RIN2: variants seen among roughly 807,000 people sequenced by gnomAD.
RIN2 encodes the protein Ras and Rab interactor 2, also known as RAB5 interacting protein 2.
Under a neutral mutation model 78.0 loss-of-function variants are expected in RIN2, and 36 were observed. The ratio of observed to expected loss-of-function variants is 0.46; its 90% confidence interval spans 0.35 to 0.61. RIN2 has a LOEUF of 0.61. Among genes scored for constraint, RIN2 ranks in the 20% least tolerant of loss-of-function variants. The pLI is 0.00. For synonymous variants in RIN2, 466 were observed against 466.8 expected (o/e 1.00, Z 0.02); for missense variants, 1,087 against 1,159.7 (o/e 0.94, Z 0.91).
chr20:19,974,939 G>T lies in RIN2; in HGVS notation c.914G>T (p.Arg305Leu). The T allele has an allele frequency of 6.2e-7, 1 of 1,613,430 alleles. No individual in the cohort carries two copies. Among genetic ancestry groups the T allele is most frequent in the African/African-American group, 1.3e-5 (1 of 74,976 alleles). The change falls in exon 9 of 13, where the codon CGG (arginine) becomes CTG (leucine). Residue 305 changes from arginine (R) to leucine (L), a missense_variant. This residue lies in a region of RIN2 where 706 missense variants were observed against 667.5 expected (regional missense o/e 1.06). Coordinates refer to ENST00000255006, the MANE Select transcript of RIN2 (RefSeq NM_018993.4). ...TPNANGTERTRSPPPRPPPPA... is the reference protein window; with the variant it reads ...TPNANGTERTLSPPPRPPPPA... Reference sequence around the variant, plus strand: ...AACGCGAATGGCACGGAGCGGACTCGGTCCCCCCCACCCAGGCCCCCGCCA... The same window carrying T: ...AACGCGAATGGCACGGAGCGGACTCTGTCCCCCCCACCCAGGCCCCCGCCA...
chr20:19,809,060 A>G (rs1395725565), intron 2 of RIN2: 4 of 152,328 alleles, frequency 2.6e-5, no homozygotes, highest in Non-Finnish European at 5.9e-5. Context: ...TCTGAATGAA[A>G]TAAGCAGGTC....
intron 9 of RIN2, among the ~76,000 whole-genome samples, chr20:19,982,570 C>T (rs547617132): frequency 2.6e-5 from 4 of 152,318 alleles, no homozygotes; most frequent in African/African-American, 9.6e-5. Context: ...GTTTGAAGCC[C>T]TGACTCTGCT....
chr20:19,794,929 A>C (rs1364428709), intron 1 of RIN2, among the ~76,000 whole-genome samples: 1 of 152,254 alleles, frequency 6.6e-6, no homozygotes. Flanking sequence ...AAGACAATTT[A>C]GAATCCTTAA....
At chr20:19,835,097 GAAGA>G (rs71998271) in intron 2 of RIN2, among the ~76,000 whole-genome samples, 91,523 of 144,716 alleles carry the variant, frequency 0.63, 29,200 homozygotes, top group East Asian at 0.82. Context: ...GAAAAAGAAA[GAAGA>G]AAGAAAGAAA....
Position 20,000,735 on chromosome 20 carries a change from G to C in RIN2, c.2487G>C (p.Gly829=). 1 of 1,613,940 alleles carries C rather than the reference G, an allele frequency of 6.2e-7. No individual in the cohort carries two copies. ...CQICAEKFKV[G]DPEEYSLFLF... is the part of the protein sequence containing the mutation. ...TCTGCGCTGAGAAGTTCAAGGTGGG[G>C]GACCCTGAGGAGTACAGCCTCTTTC... is the stretch of plus-strand genomic sequence containing the variant. Residue 829 remains glycine (G), a synonymous_variant, in exon 13 of 13, where the codon GGG becomes GGC. Coordinates refer to ENST00000255006, the MANE Select transcript of RIN2 (RefSeq NM_018993.4).
At chr20:19,770,757 C>A (rs939631386) in intron 1 of RIN2, among the ~76,000 whole-genome samples, 14 of 152,144 alleles carry the variant, frequency 9.2e-5, no homozygotes, top group Middle Eastern at 3.2e-3. Context: ...AACACAGAAG[C>A]CTTCTGTGAC....
chr20:19,971,268 G>A (rs917835872), intron 8 of RIN2, among the ~76,000 whole-genome samples: 5 of 151,862 alleles, frequency 3.3e-5, no homozygotes, highest in African/African-American at 1.2e-4. Context: ...CTAGAGTAAC[G>A]TCTGTTCCAC....
intron 2 of RIN2, chr20:19,886,593 C>G: frequency 2.5e-6 from 2 of 786,386 alleles, no homozygotes; most frequent in Non-Finnish European, 4.1e-6. Flanking sequence ...ATGAGGGCTG[C>G]CTTCTTCTTC....
At chr20:19,861,842 T>C (rs1450760471) in intron 2 of RIN2, among the ~76,000 whole-genome samples, 1 of 146,668 alleles carries the variant, frequency 6.8e-6, no homozygotes, top group African/African-American at 2.6e-5. Context: ...TTCTCCATAT[T>C]CAATGATCAC....
chr20:19,842,076 T>C (rs1182421406), intron 2 of RIN2, among the ~76,000 whole-genome samples: 1 of 152,234 alleles, frequency 6.6e-6, no homozygotes, highest in Non-Finnish European at 1.5e-5. Flanking sequence ...CAACCTTAAG[T>C]TGAAGCCAAT....
chr20:19,910,773 G>A (rs1254606574), intron 3 of RIN2, among the ~76,000 whole-genome samples: 2 of 151,502 alleles, frequency 1.3e-5, no homozygotes, highest in Non-Finnish European at 2.9e-5. Context: ...TCTCCATGTT[G>A]GCCAGGCTGG....
intron 3 of RIN2, among the ~76,000 whole-genome samples, chr20:19,898,357 A>C (rs2038831733): frequency 6.6e-6 from 1 of 152,184 alleles, no homozygotes; most frequent in African/African-American, 2.4e-5. Context: ...TCTAAGTTTC[A>C]TATTAGAAGG....
intron 3 of RIN2, among the ~76,000 whole-genome samples, chr20:19,894,836 G>A (rs2038645503): frequency 6.6e-6 from 1 of 152,034 alleles, no homozygotes; most frequent in African/African-American, 2.4e-5. Flanking sequence ...CACCAACACT[G>A]TACATGTTTC....
At chr20:19,936,552 A>G (rs1391804230) in intron 4 of RIN2, among the ~76,000 whole-genome samples, 1 of 152,192 alleles carries the variant, frequency 6.6e-6, no homozygotes, top group Admixed American at 6.5e-5. Flanking sequence ...CCCAAGCTCC[A>G]CAGATGACAG....
intron 2 of RIN2, chr20:19,872,395 G>A (rs2037715823): frequency 6.6e-6 from 1 of 152,204 alleles, no homozygotes; most frequent in African/African-American, 2.4e-5. Flanking sequence ...GGGAAGGTGT[G>A]GGGGCACTGG....
At chr20:19,770,582 C>T (rs560441830) in intron 1 of RIN2, among the ~76,000 whole-genome samples, 6 of 152,194 alleles carry the variant, frequency 3.9e-5, no homozygotes, top group African/African-American at 9.6e-5. Flanking sequence ...GAGCTGCTTC[C>T]GCTCAGTCAC....
chr20:19,970,980 A>G lies in RIN2; in HGVS notation c.628+51A>G, dbSNP rs533468676. ...CTATCTAAAAATGAATCCATGGAGCAGAGTCAATGGTGGGCTCACTGAGGC... is the reference window on the plus strand; with the variant it reads ...CTATCTAAAAATGAATCCATGGAGCGGAGTCAATGGTGGGCTCACTGAGGC... On this transcript the variant is annotated intron_variant, in intron 8 of 12. Transcript: ENST00000255006. The G allele has an allele frequency of 2.5e-5, 35 of 1,386,650 alleles. No individual in the cohort carries two copies. The African/African-American group carries it at 4.8e-4, about 19-fold the overall frequency. The allele number at this position is 1,386,650 out of a possible 1,614,324, so 85.9% of individuals were successfully genotyped here. A position where few individuals can be genotyped will look rare whatever the true frequency, so the allele number is the denominator to read the frequency against.
At chr20:19,822,966 CTAA>C (rs137957105) in intron 2 of RIN2, among the ~76,000 whole-genome samples, 38,227 of 151,952 alleles carry the variant, frequency 0.25, 6,276 homozygotes, top group Non-Finnish European at 0.35. Flanking sequence ...CTAATAATTT[CTAA>C]TAATAAATAA....
intron 2 of RIN2, among the ~76,000 whole-genome samples, chr20:19,802,004 G>T (rs6112581): frequency 3.2e-4 from 49 of 152,280 alleles, no homozygotes; most frequent in African/African-American, 1.1e-3. Context: ...AATAGGAACT[G>T]CCACAGGACT....
Sources: allele counts gnomAD v4.1 joint callset (sites outside exome capture counted in the v4.1 genomes callset), GRCh38; gene constraint gnomAD v4.1.1; regional missense constraint gnomAD v4.1.1; transcripts MANE v1.5; gene names NCBI Gene and HGNC (gene_info 2026-07-23, HGNC 2026-07-21).